Variants in PHLDA1 observed in about 807,000 individuals in gnomAD.
The protein encoded by PHLDA1 is pleckstrin homology like domain family A member 1.
PHLDA1 carries 28 observed loss-of-function variants against 33.8 expected under a neutral mutation model. The observed-to-expected ratio is 0.83, with a 90% CI of 0.61 to 1.14. PHLDA1 has a LOEUF of 1.14. PHLDA1 is among the 50% of genes most tolerant of loss of function. The pLI is 0.00. For synonymous variants in PHLDA1, 271 were observed against 243.6 expected (o/e 1.11, Z -1.05); for missense variants, 595 against 548.6 (o/e 1.08, Z -0.84).
At chr12:76,030,746 T>A in exon 1 of PHLDA1, 1 of 1,277,450 alleles carries the variant, frequency 7.8e-7, no homozygotes, top group Non-Finnish European at 1.1e-6. Flanking sequence ...GGGGTTGTGA[T>A]TGGGGCTGGG....
In PHLDA1 at chr12:76,031,436, T is replaced by A; in HGVS notation, c.306A>T (p.Ala102=). 6.5e-7 allele frequency: 1 copy of A among 1,543,464 alleles called. No individual in the cohort carries two copies. Among genetic ancestry groups the A allele is most frequent in the Non-Finnish European group, 8.7e-7 (1 of 1,146,550 alleles). ...CGCCCCAGCGGCTCCCACGGCCGCCTGCCCGGAGCGCGCAGAGGAGGCTAA... is the reference window on the plus strand; with the variant it reads ...CGCCCCAGCGGCTCCCACGGCCGCCAGCCCGGAGCGCGCAGAGGAGGCTAA... The change falls in exon 1 of 2, where the codon GCA becomes GCT. Residue 102 remains alanine (A), a synonymous_variant. Transcript: ENST00000266671. The surrounding 1 kb of genome is among the most constrained non-coding windows in gnomAD (Gnocchi z 5.4).
chr12:76,030,665 G>GTGTGGA (rs760786839), exon 1 of PHLDA1: 15 of 1,276,674 alleles, frequency 1.2e-5, no homozygotes, highest in Middle Eastern at 1.8e-4. Flanking sequence ...GAGGATGAGA[G>GTGTGGA]TGTGGATGTG....
chr12:76,028,553 C>G (rs926683274), exon 2 of PHLDA1: 7 of 152,334 alleles, frequency 4.6e-5, no homozygotes, highest in Non-Finnish European at 8.8e-5. Context: ...TTCTTGACTA[C>G]ATAACCTAGC....
intron 1 of PHLDA1, 49 bp downstream of exon 1, chr12:76,030,461 C>T (rs1261186202): frequency 6.8e-7 from 1 of 1,465,188 alleles, no homozygotes; most frequent in Non-Finnish European, 9.4e-7. Context: ...CCTCCCAACT[C>T]ACTACCCCCG....
At chr12:76,025,854 T>C (rs1339858071) in exon 2 of PHLDA1, 3 of 152,216 alleles carry the variant, frequency 2.0e-5, no homozygotes, top group African/African-American at 7.2e-5. Context: ...GTCCTTCTGC[T>C]TACTTCATTG....
exon 1 of PHLDA1, chr12:76,030,818 G>A (rs755183255): frequency 9.0e-6 from 14 of 1,558,228 alleles, no homozygotes; most frequent in Admixed American, 7.5e-5. Flanking sequence ...GCGGCTGCGA[G>A]GGGGGCTGCT....
chr12:76,031,024 CG>C lies in PHLDA1; in HGVS notation c.717del (p.Val240TrpfsTer16), dbSNP rs1231963176. 4 of 1,612,738 alleles carry C rather than the reference CG, an allele frequency of 2.5e-6. No individual in the cohort carries two copies. The highest frequency in any genetic ancestry group is 2.5e-6 in the Non-Finnish European group (3 of 1,179,986). ...TTGCCCTTGCGCTCCACACAGTCCA[CG>C]GTCTTCATGTTGGAGAAGTGCAGTT... is the stretch of plus-strand genomic sequence containing the variant. On this transcript the variant is annotated frameshift_variant, in exon 1 of 2. Transcript: ENST00000266671. LOFTEE classifies it high-confidence loss of function. This position sits in a 1 kb window ranked among gnomAD's most constrained non-coding sequence, Gnocchi z 5.4.
rs1870892710 is a variant in PHLDA1 at position 76,031,065 on chromosome 12, G to C, written c.677C>G (p.Pro226Arg). Residue 226 changes from proline (P) to arginine (R), a missense_variant, in exon 1 of 2, where the codon CCG becomes CGG. Pro to Arg is a moderately radical substitution (Grantham distance 103). Coordinates refer to ENST00000266671, the Ensembl canonical transcript of PHLDA1. This position sits in a 1 kb window ranked among gnomAD's most constrained non-coding sequence, Gnocchi z 5.4. ...GAAGTGCAGTTCCTTGAGCTTGACC[G>C]GCGGCTCGAGGCTGGCGACAGCGGG... The C allele has an allele frequency of 1.2e-6, 2 of 1,610,226 alleles. No homozygotes were observed. The highest frequency in any genetic ancestry group is 1.6e-4 in the Middle Eastern group (1 of 6,062).
Position 76,031,198 on chromosome 12 carries a change from T to C in PHLDA1, c.544A>G (p.Ile182Val). Residue 182 changes from isoleucine to valine, a missense_variant, in exon 1 of 2, where the codon ATC becomes GTC. Ile to Val is a conservative substitution (Grantham distance 29). Coordinates refer to ENST00000266671, the Ensembl canonical transcript of PHLDA1. The surrounding 1 kb of genome is among the most constrained non-coding windows in gnomAD (Gnocchi z 5.4). ...TGGTGTTGCAGCTGCTTGGGCGGGA[T>C]AAGCAGCAGCCCTTCCTCGGTGAGG... The C allele has an allele frequency of 6.2e-7, 1 of 1,613,298 alleles. No homozygotes were observed. The highest frequency in any genetic ancestry group is 2.2e-5 in the East Asian group (1 of 44,832).
At position 76,031,053 on chromosome 12, in the gene PHLDA1, T is replaced by C. The variant is rs756430430; in HGVS notation, c.689A>G (p.Lys230Arg). The C allele has an allele frequency of 6.2e-6, 10 of 1,611,086 alleles. No homozygotes were observed. The highest frequency in any genetic ancestry group is 8.5e-6 in the Non-Finnish European group (10 of 1,179,948). ...CTTCATGTTGGAGAAGTGCAGTTCCTTGAGCTTGACCGGCGGCTCGAGGCT... is the reference window on the plus strand; with the variant it reads ...CTTCATGTTGGAGAAGTGCAGTTCCCTGAGCTTGACCGGCGGCTCGAGGCT... The change falls in exon 1 of 2, where the codon AAG (lysine) becomes AGG (arginine). Residue 230 changes from lysine (K) to arginine (R), a missense_variant. This residue lies in a region of PHLDA1 where 328 missense variants were observed against 295.7 expected (regional missense o/e 1.11). Coordinates refer to ENST00000266671, the Ensembl canonical transcript of PHLDA1. The surrounding 1 kb of genome is among the most constrained non-coding windows in gnomAD (Gnocchi z 5.4).
At chr12:76,030,000 T>C (rs1364700944) in exon 2 of PHLDA1, 2 of 156,054 alleles carry the variant, frequency 1.3e-5, no homozygotes, top group African/African-American at 4.8e-5. Context: ...TCCAAACTAC[T>C]TGATCTGGTG....
exon 2 of PHLDA1, chr12:76,027,094 G>A (rs948464418): frequency 2.0e-4 from 31 of 152,020 alleles, no homozygotes; most frequent in African/African-American, 7.2e-4. Flanking sequence ...TTTAAGGAGC[G>A]GGTCTTCTAT....
chr12:76,031,714 G>A lies in PHLDA1; in HGVS notation c.28C>T (p.Leu10Phe), dbSNP rs966584367. Residue 10 changes from leucine to phenylalanine, a missense_variant, in exon 1 of 2, where the codon CTC (leucine) becomes TTC (phenylalanine). This residue lies in a region of PHLDA1 where 263 missense variants were observed against 232.3 expected (regional missense o/e 1.13). Transcript: ENST00000266671. The surrounding 1 kb of genome is among the most constrained non-coding windows in gnomAD (Gnocchi z 5.4). ...CGCGGGGGAAAGCCCAGCTCCAAGA[G>A]GCGCTCGGCAGCCGGCGCACGCCTC... The A allele has an allele frequency of 4.3e-6, 6 of 1,402,790 alleles. No individual in the cohort carries two copies. In the African/African-American group the frequency reaches 6.1e-5, roughly 14 times the overall value. 86.9% of individuals were successfully genotyped at this position (1,402,790 alleles called of 1,614,324 possible).
exon 2 of PHLDA1, chr12:76,028,821 T>A (rs1413277399): frequency 2.0e-5 from 3 of 152,718 alleles, no homozygotes; most frequent in Non-Finnish European, 4.4e-5. Context: ...TCCTCTTTTT[T>A]CCCCCAACAG....
At chr12:76,029,140 C>G (rs577223896) in exon 2 of PHLDA1, 221 of 152,310 alleles carry the variant, frequency 1.5e-3, no homozygotes, top group African/African-American at 5.1e-3. Context: ...TGGTTCAAGT[C>G]AAGTGTGCAA....
chr12:76,031,708 C>A lies in PHLDA1; in HGVS notation c.34G>T (p.Glu12Ter). 1 of 1,412,354 alleles carries A rather than the reference C, an allele frequency of 7.1e-7. No homozygotes were observed. The highest frequency in any genetic ancestry group is 9.3e-7 in the Non-Finnish European group (1 of 1,080,238). 87.5% of individuals were successfully genotyped at this position (1,412,354 alleles called of 1,614,324 possible). Reference sequence around the variant, plus strand: ...CCGCACCGCGGGGGAAAGCCCAGCTCCAAGAGGCGCTCGGCAGCCGGCGCA... The same window carrying A: ...CCGCACCGCGGGGGAAAGCCCAGCTACAAGAGGCGCTCGGCAGCCGGCGCA... Residue 12 changes from glutamate (E) to a stop codon, truncating the protein, a stop_gained, in exon 1 of 2, where the codon GAG becomes TAG. Transcript: ENST00000266671. LOFTEE classifies it high-confidence loss of function. The surrounding 1 kb of genome is among the most constrained non-coding windows in gnomAD (Gnocchi z 5.4).
In PHLDA1 at chr12:76,031,462, C is replaced by G. The variant is rs1439632686; in HGVS notation, c.280G>C (p.Val94Leu). 1 of 1,538,010 alleles carries G rather than the reference C, an allele frequency of 6.5e-7. No homozygotes were observed. The highest frequency in any genetic ancestry group is 8.7e-7 in the Non-Finnish European group (1 of 1,143,960). ...GCCCGGAGCGCGCAGAGGAGGCTAA[C>G]ACGCAGGAGGCAGAGCGGCGGCGGC... Residue 94 changes from valine (V) to leucine (L), a missense_variant, in exon 1 of 2, where the codon GTT (valine) becomes CTT (leucine). Val to Leu is a conservative substitution (Grantham distance 32, BLOSUM62 1). Around this residue, in one of 3 missense-constraint regions of PHLDA1, gnomAD observed 263 missense variants for 232.3 expected, o/e 1.13. Transcript: ENST00000266671. This position sits in a 1 kb window ranked among gnomAD's most constrained non-coding sequence, Gnocchi z 5.4.
chr12:76,030,068 TC>T (rs1289167279), exon 2 of PHLDA1: 1 of 178,024 alleles, frequency 5.6e-6, no homozygotes, highest in Non-Finnish European at 1.2e-5. Context: ...AATGTGCTCG[TC>T]CCACTTCCTC....
exon 1 of PHLDA1, chr12:76,030,716 C>A: frequency 8.5e-7 from 1 of 1,180,334 alleles, no homozygotes; most frequent in Non-Finnish European, 1.2e-6. Context: ...GGGGCTGAGG[C>A]TTGGGTTGGG....
Sources: allele counts gnomAD v4.1 joint callset, GRCh38; gene constraint gnomAD v4.1.1; regional missense constraint gnomAD v4.1.1; non-coding constraint Gnocchi (gnomAD v3.1); transcripts MANE v1.5; gene names NCBI Gene and HGNC (gene_info 2026-07-23, HGNC 2026-07-21).